The following ZNF680 variants were observed in gnomAD, a reference collection of about 807,000 sequenced individuals.
ZNF680 encodes the protein hypothetical protein FLJ90430.
In ZNF680, 6 loss-of-function variants were observed where a neutral mutation model predicts 12.1. That is an observed-to-expected ratio of 0.49 (90% confidence interval 0.27 to 0.98). The LOEUF is 0.98. Ranked by LOEUF, ZNF680 falls within the 50% of genes least tolerant of loss-of-function variation. The pLI is 0.12. For synonymous variants in ZNF680, 170 were observed against 199.3 expected (o/e 0.85, Z 1.24); for missense variants, 561 against 616.3 (o/e 0.91, Z 0.95).
chr7:64,508,629 C>G, the ZNF680 span, among the ~76,000 whole-genome samples: 97 of 152,272 alleles, frequency 6.4e-4, no homozygotes, highest in African/African-American at 2.1e-3. Context: ...CTATTCCAAT[C>G]TAGCTACTTT....
chr7:64,558,047 A>G (rs755914195), intron 1 of ZNF680, among the ~76,000 whole-genome samples: 12 of 152,212 alleles, frequency 7.9e-5, no homozygotes, highest in Non-Finnish European at 1.6e-4. Flanking sequence ...CAGGTGGAGG[A>G]TAGTGCAATG....
the ZNF680 span, chr7:64,501,850 C>A: frequency 3.8e-5 from 21 of 546,150 alleles, no homozygotes; most frequent in Non-Finnish European, 6.8e-5. Flanking sequence ...TTGTCCTTGT[C>A]TTTCCCATGT....
chr7:64,508,526 G>A, the ZNF680 span, among the ~76,000 whole-genome samples: 6 of 152,116 alleles, frequency 3.9e-5, no homozygotes, highest in South Asian at 6.2e-4. Flanking sequence ...CACTCGCTAC[G>A]TGACTAAAAA....
At chr7:64,508,272 T>C in the ZNF680 span, among the ~76,000 whole-genome samples, 2 of 151,466 alleles carry the variant, frequency 1.3e-5, no homozygotes, top group Non-Finnish European at 2.9e-5. Context: ...TTAAACTACA[T>C]TTAAATTTAC....
chr7:64,513,300 T>C, the ZNF680 span, among the ~76,000 whole-genome samples: 1 of 151,606 alleles, frequency 6.6e-6, no homozygotes, highest in Non-Finnish European at 1.5e-5. Flanking sequence ...ACGTTTTGCC[T>C]AAAAATAAAA....
intron 3 of ZNF680, among the ~76,000 whole-genome samples, chr7:64,536,551 G>C (rs559362870): frequency 6.6e-6 from 1 of 152,290 alleles, no homozygotes; most frequent in African/African-American, 2.4e-5. Context: ...CATTCATGAG[G>C]AATTTGCCCC....
intron 1 of ZNF680, among the ~76,000 whole-genome samples, chr7:64,553,726 C>G (rs981920372): frequency 7.2e-5 from 11 of 151,836 alleles, no homozygotes; most frequent in Non-Finnish European, 1.5e-4. Context: ...CCTGGGATTG[C>G]AGGCGCGCGC....
chr7:64,511,210 C>T, the ZNF680 span, among the ~76,000 whole-genome samples: 7 of 151,952 alleles, frequency 4.6e-5, no homozygotes, highest in Non-Finnish European at 1.0e-4. Flanking sequence ...GCAGAGGTTG[C>T]AGTGAGCCAA....
the ZNF680 span, among the ~76,000 whole-genome samples, chr7:64,506,193 ATTTTTT>A: frequency 2.8e-5 from 3 of 105,578 alleles, no homozygotes; most frequent in South Asian, 3.4e-4. Context: ...AGTCTTTTAG[ATTTTTT>A]TTTTTTTTTT....
intron 3 of ZNF680, among the ~76,000 whole-genome samples, chr7:64,528,577 C>T (rs1358560333): frequency 6.6e-6 from 1 of 152,124 alleles, no homozygotes; most frequent in East Asian, 1.9e-4. Context: ...TGACAACCTG[C>T]ATGACTTGGC....
Position 64,521,395 on chromosome 7 carries a change from T to C in ZNF680, c.1359A>G (p.Lys453=). Residue 453 remains lysine, a synonymous_variant, in exon 4 of 4, where the codon AAA becomes AAG. Coordinates refer to ENST00000309683, the MANE Select transcript of ZNF680 (RefSeq NM_178558.5). ...FTLFSTLTNH[K]VIHTGEKSYK... ...AGGATTTCTCTCCAGTATGAATTAC[T>C]TTATGGTTAGTAAGGGTTGAAAATA... 1 of 1,612,916 alleles carries C rather than the reference T, an allele frequency of 6.2e-7. No individual in the cohort carries two copies. The highest frequency in any genetic ancestry group is 8.5e-7 in the Non-Finnish European group (1 of 1,179,422).
the ZNF680 span, among the ~76,000 whole-genome samples, chr7:64,509,886 G>A: frequency 2.6e-5 from 4 of 151,986 alleles, no homozygotes; most frequent in African/African-American, 9.7e-5. Flanking sequence ...TCCACCCTGG[G>A]TCACACAAAA....
At chr7:64,551,176 C>CA (rs1385944799) in intron 1 of ZNF680, among the ~76,000 whole-genome samples, 2 of 152,124 alleles carry the variant, frequency 1.3e-5, no homozygotes, top group Admixed American at 6.6e-5. Flanking sequence ...TATATAATTA[C>CA]AAAATAAACT....
chr7:64,549,707 G>A (rs1003673668), intron 1 of ZNF680, among the ~76,000 whole-genome samples: 5 of 151,672 alleles, frequency 3.3e-5, no homozygotes, highest in African/African-American at 1.2e-4. Context: ...GACACTGGAC[G>A]CAGTGGCTCA....
At chr7:64,543,121 T>A (rs1786595247) in intron 3 of ZNF680, among the ~76,000 whole-genome samples, 1 of 152,016 alleles carries the variant, frequency 6.6e-6, no homozygotes, top group Non-Finnish European at 1.5e-5. Context: ...TCCAGTGGCA[T>A]TTTTTTACAG....
chr7:64,505,228 C>G, the ZNF680 span, among the ~76,000 whole-genome samples: 1 of 152,188 alleles, frequency 6.6e-6, no homozygotes, highest in East Asian at 1.9e-4. Context: ...TAATTTTATT[C>G]TACTTCAAAT....
chr7:64,501,613 T>C, the ZNF680 span: 1 of 787,244 alleles, frequency 1.3e-6, no homozygotes, highest in Non-Finnish European at 2.3e-6. Flanking sequence ...GGGGATCTAC[T>C]GGATGATGAT....
the ZNF680 span, among the ~76,000 whole-genome samples, chr7:64,500,023 C>G: frequency 1.3e-5 from 2 of 152,210 alleles, no homozygotes; most frequent in African/African-American, 2.4e-5. Flanking sequence ...GTCCAAGCCT[C>G]CGATAAACTC....
chr7:64,552,544 T>C (rs1245764229), intron 1 of ZNF680, among the ~76,000 whole-genome samples: 1 of 152,218 alleles, frequency 6.6e-6, no homozygotes. Flanking sequence ...TGCTTACTTA[T>C]AGTTATCCCT....
Sources: gnomAD v4.1 joint callset for allele counts (sites outside exome capture counted in the v4.1 genomes callset) on GRCh38, gnomAD v4.1.1 for gene constraint, MANE v1.5 for transcripts, NCBI Gene and HGNC (gene_info 2026-07-23, HGNC 2026-07-21) for gene names.